PCDH7: variants seen among roughly 807,000 people sequenced by gnomAD.
PCDH7 encodes the protein protocadherin 7.
PCDH7 carries 17 observed loss-of-function variants against 58.9 expected under a neutral mutation model. The observed-to-expected ratio is 0.29, with a 90% CI of 0.20 to 0.43. The LOEUF is 0.43. Ranked by LOEUF, PCDH7 falls within the 20% of genes least tolerant of loss-of-function variation. The pLI, the probability that PCDH7 is intolerant of heterozygous loss-of-function variation, is 1.00. For synonymous variants in PCDH7, 664 were observed against 616.4 expected, an observed-to-expected ratio of 1.08 and a Z score of -1.14; for missense variants, 1,274 against 1,441.0, an observed-to-expected ratio of 0.88 and a Z score of 1.88.
At chr4:30,927,627 A>G (rs992332962) in intron 2 of PCDH7, among the ~76,000 whole-genome samples, 11 of 152,088 alleles carry the variant, frequency 7.2e-5, no homozygotes, top group Non-Finnish European at 1.3e-4. Flanking sequence ...GCGGTGCAAG[A>G]TGTGCTTTGT....
chr4:30,968,376 C>CTATATATATATATATATACACACACTATA (rs1749220226), intron 3 of PCDH7, among the ~76,000 whole-genome samples: 1 of 67,066 alleles, frequency 1.5e-5, no homozygotes, highest in Admixed American at 1.8e-4. Flanking sequence ...TATACACACA[C>CTATATATATATATATATACACACACTATA]TATATATATA....
At chr4:30,846,575 C>G (rs552473064) in intron 1 of PCDH7, among the ~76,000 whole-genome samples, 1 of 151,866 alleles carries the variant, frequency 6.6e-6, no homozygotes, top group East Asian at 1.9e-4. Context: ...TTGTGGGTAG[C>G]TGTCCTGTGC....
chr4:31,023,330 C>A (rs893010638), intron 3 of PCDH7, among the ~76,000 whole-genome samples: 1 of 152,110 alleles, frequency 6.6e-6, no homozygotes, highest in African/African-American at 2.4e-5. Flanking sequence ...AGATGAGGCT[C>A]CTGCGTGTAT....
chr4:30,743,914 G>A (rs1717418585), intron 1 of PCDH7, among the ~76,000 whole-genome samples: 1 of 152,156 alleles, frequency 6.6e-6, no homozygotes. Flanking sequence ...TAGATTTCAA[G>A]TTGTGGAGGA....
intron 3 of PCDH7, among the ~76,000 whole-genome samples, chr4:31,110,537 A>G (rs1194330049): frequency 6.6e-6 from 1 of 152,230 alleles, no homozygotes; most frequent in Non-Finnish European, 1.5e-5. Context: ...ATCTCTCTAT[A>G]TACAAAAACG....
intron 1 of PCDH7, among the ~76,000 whole-genome samples, chr4:30,777,175 C>T (rs1282981435): frequency 1.3e-5 from 2 of 152,112 alleles, no homozygotes; most frequent in East Asian, 3.9e-4. Flanking sequence ...GTTAATTTCT[C>T]AGTTCCTGAG....
chr4:30,739,727 A>G (rs1560318495), intron 1 of PCDH7, among the ~76,000 whole-genome samples: 1 of 152,232 alleles, frequency 6.6e-6, no homozygotes, highest in Non-Finnish European at 1.5e-5. Flanking sequence ...ACATATACAT[A>G]CATGAAACAC....
intron 1 of PCDH7, among the ~76,000 whole-genome samples, chr4:30,885,911 C>A (rs1426609044): frequency 6.6e-6 from 1 of 152,172 alleles, no homozygotes; most frequent in East Asian, 1.9e-4. Context: ...GGAAAACTGG[C>A]TGGCCATATG....
chr4:30,933,337 A>T (rs1744920518), intron 2 of PCDH7, among the ~76,000 whole-genome samples: 1 of 151,874 alleles, frequency 6.6e-6, no homozygotes, highest in South Asian at 2.1e-4. Flanking sequence ...GAGTTTCTTA[A>T]TCCACACACT....
intron 3 of PCDH7, among the ~76,000 whole-genome samples, chr4:30,995,492 A>G (rs2109129727): frequency 6.6e-6 from 1 of 151,714 alleles, no homozygotes; most frequent in East Asian, 2.0e-4. Context: ...AGCCTGGGCG[A>G]CAGAGCGAGA....
chr4:30,900,024 C>T (rs1740008129), intron 1 of PCDH7, among the ~76,000 whole-genome samples: 2 of 152,072 alleles, frequency 1.3e-5, no homozygotes, highest in African/African-American at 2.4e-5. Flanking sequence ...TGTTTGTTTT[C>T]CTAAAACCAT....
intron 3 of PCDH7, among the ~76,000 whole-genome samples, chr4:31,059,821 A>G (rs1177364061): frequency 6.6e-6 from 1 of 151,820 alleles, no homozygotes; most frequent in Non-Finnish European, 1.5e-5. Flanking sequence ...TTGAAGCATT[A>G]TACATATTTA....
At chr4:31,054,769 G>C (rs117824942) in intron 3 of PCDH7, among the ~76,000 whole-genome samples, 1 of 152,142 alleles carries the variant, frequency 6.6e-6, no homozygotes, top group Non-Finnish European at 1.5e-5. Context: ...ATCTGGTCTA[G>C]TATGACCTCA....
At chr4:30,988,921 T>C (rs577346997) in intron 3 of PCDH7, among the ~76,000 whole-genome samples, 1 of 152,314 alleles carries the variant, frequency 6.6e-6, no homozygotes, top group African/African-American at 2.4e-5. Context: ...GGCAAATCAT[T>C]CAAGATTTTT....
chr4:30,889,916 C>A (rs1738389711), intron 1 of PCDH7, among the ~76,000 whole-genome samples: 1 of 152,112 alleles, frequency 6.6e-6, no homozygotes, highest in Non-Finnish European at 1.5e-5. Context: ...AGAAATTGAT[C>A]CTAATATGCT....
intron 1 of PCDH7, among the ~76,000 whole-genome samples, chr4:30,803,163 A>T (rs1438412844): frequency 6.6e-6 from 1 of 152,120 alleles, no homozygotes; most frequent in Non-Finnish European, 1.5e-5. Context: ...TGTGAGCATG[A>T]GTGAGTGGGA....
chr4:31,108,280 A>G (rs1715830350), intron 3 of PCDH7, among the ~76,000 whole-genome samples: 1 of 150,938 alleles, frequency 6.6e-6, no homozygotes, highest in African/African-American at 2.4e-5. Flanking sequence ...AAAGTTACTA[A>G]TGAGAAAATG....
At chr4:30,958,730 TTATC>T (rs1261699499) in intron 3 of PCDH7, among the ~76,000 whole-genome samples, 2 of 151,980 alleles carry the variant, frequency 1.3e-5, no homozygotes, top group African/African-American at 2.4e-5. Flanking sequence ...ATTTTGATAT[TTATC>T]TAAATTAACC....
In PCDH7 at chr4:31,097,628, A is replaced by T. The variant is rs1180382925; in HGVS notation, c.*8-44845A>T. ...TATATATATATATATATATATATAT[A>T]TATATATATAAATCTTTTTTCTGTA... On this transcript the variant is annotated intron_variant, in intron 3 of 3. Transcript: ENST00000509759. Among the ~76,000 whole-genome samples, 8 of 42,502 alleles carry T rather than the reference A, an allele frequency of 1.9e-4. 1 individual carries two copies. Among genetic ancestry groups the T allele is most frequent in the Non-Finnish European group, 2.9e-4 (8 of 27,872 alleles). 27.9% of individuals were successfully genotyped at this position (42,502 alleles called of 152,430 possible).
Sources: gnomAD v4.1 joint callset for allele counts (sites outside exome capture counted in the v4.1 genomes callset) on GRCh38, gnomAD v4.1.1 for gene constraint, MANE v1.5 for transcripts, NCBI Gene and HGNC (gene_info 2026-07-23, HGNC 2026-07-21) for gene names.